ATP7B: variants seen among roughly 807,000 people sequenced by gnomAD.
ATP7B encodes the protein copper-transporting ATPase 2.
ATP7B carries 113 observed loss-of-function variants against 118.9 expected under a neutral mutation model. The ratio of observed to expected loss-of-function variants is 0.95; its 90% confidence interval spans 0.82 to 1.11. ATP7B has a LOEUF of 1.11. Ranked by LOEUF, ATP7B falls within the 50% of genes most tolerant of loss-of-function variation. The pLI is 0.00. For missense variants in ATP7B, 1,867 were observed against 1,871.4 expected (o/e 1.00, Z 0.04); for synonymous variants, 777 against 727.4 (o/e 1.07, Z -1.10).
chr13:51,968,654 T>C (rs1476923706), intron 3 of ATP7B, 47 bp from the exon 4 acceptor site: 3 of 1,603,598 alleles, frequency 1.9e-6, no homozygotes, highest in East Asian at 2.2e-5. Context: ...GGGCAGGGCC[T>C]CTAGGTTGAC....
intron 1 of ATP7B, among the ~76,000 whole-genome samples, chr13:52,000,212 A>C (rs1953423651): frequency 6.6e-6 from 1 of 152,208 alleles, no homozygotes; most frequent in Non-Finnish European, 1.5e-5. Flanking sequence ...AGCAACAAAA[A>C]TTTATTGCTC....
At chr13:51,964,789 A>G (rs768177969) in intron 5 of ATP7B, 83 bp downstream of exon 5, 84 of 1,487,468 alleles carry the variant, frequency 5.6e-5, no homozygotes, top group Non-Finnish European at 6.8e-5. Context: ...ATTTTTTCTT[A>G]GCTATATTTT....
intron 4 of ATP7B, among the ~76,000 whole-genome samples, chr13:51,965,319 G>A (rs1015448303): frequency 1.1e-4 from 16 of 152,252 alleles, no homozygotes; most frequent in African/African-American, 3.1e-4. Flanking sequence ...GATACAGATG[G>A]GCTTTTATAA....
At chr13:52,007,803 A>T (rs201206825) in intron 1 of ATP7B, among the ~76,000 whole-genome samples, 2 of 152,210 alleles carry the variant, frequency 1.3e-5, no homozygotes, top group East Asian at 3.8e-4. Context: ...ATTTGCTAGA[A>T]CAGCTCGCAG....
intron 2 of ATP7B, 49 bp downstream of exon 2, chr13:51,973,886 A>G (rs745428705): frequency 6.2e-7 from 1 of 1,613,294 alleles, no homozygotes; most frequent in East Asian, 2.2e-5. Flanking sequence ...TATAAGACAC[A>G]AAGAGAAAAG....
chr13:51,973,884 A>C, intron 2 of ATP7B, 51 bp downstream of exon 2: 1 of 1,612,974 alleles, frequency 6.2e-7, no homozygotes, highest in Non-Finnish European at 8.5e-7. Flanking sequence ...GCTATAAGAC[A>C]CAAAGAGAAA....
Position 51,974,337 on chromosome 13 carries a change from T to G in ATP7B, c.883A>C (p.Lys295Gln). The change falls in exon 2 of 21, where the codon AAA (lysine) becomes CAA (glutamine). Residue 295 changes from lysine to glutamine, a missense_variant. Physicochemically the swap from Lys to Gln is moderately conservative, Grantham distance 53. Transcript: ENST00000242839. ...GGGTCATACTTTACTTGGGCAGTTT[T>G]GTTCTCCAAGGACACTTGAATACTT... ...VQSIQVSLEN[K>Q]TAQVKYDPSC... The G allele has an allele frequency of 6.2e-7, 1 of 1,614,120 alleles. No individual in the cohort carries two copies. The highest frequency in any genetic ancestry group is 2.2e-5 in the East Asian group (1 of 44,884).
chr13:51,949,524 G>T (rs1957863444), intron 12 of ATP7B, 138 bp downstream of exon 12: 1 of 1,253,068 alleles, frequency 8.0e-7, no homozygotes, highest in Non-Finnish European at 1.1e-6. Context: ...CTTAGATTTT[G>T]CTGTCAATAA....
chr13:51,960,957 G>C (rs1355071358), intron 6 of ATP7B, among the ~76,000 whole-genome samples: 2 of 151,902 alleles, frequency 1.3e-5, no homozygotes, highest in African/African-American at 4.8e-5. Context: ...ACTGGCCTTT[G>C]AGGCTGAAGT....
At chr13:51,973,822 A>G in intron 2 of ATP7B, 113 bp downstream of exon 2, 1 of 1,477,228 alleles carries the variant, frequency 6.8e-7, no homozygotes, top group Non-Finnish European at 9.4e-7. Flanking sequence ...ATTTTGTTCC[A>G]CTGTTGACAT....
In ATP7B at chr13:51,960,209, T is replaced by A. The variant is rs778768103; in HGVS notation, c.2060A>T (p.Asn687Ile). The A allele has an allele frequency of 2.7e-5, 43 of 1,613,774 alleles. No homozygotes were observed. Among genetic ancestry groups the A allele is most frequent in the Non-Finnish European group, 3.1e-5 (37 of 1,179,786 alleles). The stretch of plus-strand genomic sequence containing the variant: ...TAGAATGGACAGTCCTGGAATGATG[T>A]TGTGGTCCAGGACCATGGACTGGTG... ...EPHQSMVLDH[N>I]IIPGLSILNL... The change falls in exon 7 of 21, where the codon AAC (asparagine) becomes ATC (isoleucine). Residue 687 changes from asparagine to isoleucine, a missense_variant. Physicochemically the swap from Asn to Ile is moderately radical, Grantham distance 149 (BLOSUM62 -3). Coordinates refer to ENST00000242839, the MANE Select transcript of ATP7B (RefSeq NM_000053.4).
chr13:51,985,416 G>T (rs1952608756), intron 1 of ATP7B, among the ~76,000 whole-genome samples: 1 of 152,144 alleles, frequency 6.6e-6, no homozygotes, highest in African/African-American at 2.4e-5. Flanking sequence ...GATTCATAAA[G>T]CAAGTTCTTA....
intron 1 of ATP7B, among the ~76,000 whole-genome samples, chr13:51,992,038 TC>T (rs1952942857): frequency 6.6e-6 from 1 of 151,916 alleles, no homozygotes; most frequent in African/African-American, 2.4e-5. Flanking sequence ...TCTCTGCCTG[TC>T]TGAAACATAG....
intron 16 of ATP7B, 147 bp from the exon 17 acceptor site, chr13:51,939,340 T>TA: frequency 1.5e-6 from 2 of 1,306,074 alleles, no homozygotes; most frequent in South Asian, 1.3e-5. Context: ...TTTTGCTTTT[T>TA]AAAAAGTACA....
rs149970833 is a variant in ATP7B, at chr13:51,980,897, C to A, written c.52-5729G>T. Among the ~76,000 whole-genome samples the A allele has an allele frequency of 3.1e-3, 474 of 152,312 alleles. 1 individual carries two copies. Among genetic ancestry groups the A allele is most frequent in the African/African-American group, 0.011 (450 of 41,570 alleles). ...AACTTTTCCAATATATCACCTCCCC[C>A]CATACAACTTAACACATCTGAACTT... On this transcript the variant is annotated intron_variant, in intron 1 of 20. Coordinates refer to ENST00000242839, the MANE Select transcript of ATP7B (RefSeq NM_000053.4).
intron 12 of ATP7B, among the ~76,000 whole-genome samples, chr13:51,949,150 A>G (rs1231667406): frequency 6.6e-6 from 1 of 152,228 alleles, no homozygotes; most frequent in Non-Finnish European, 1.5e-5. Context: ...ACTGCACTCC[A>G]GCCCGGGAAA....
At chr13:51,992,948 A>G (rs1363102439) in intron 1 of ATP7B, among the ~76,000 whole-genome samples, 1 of 141,796 alleles carries the variant, frequency 7.1e-6, no homozygotes, top group East Asian at 2.2e-4. Flanking sequence ...ACTGCACTCT[A>G]TAGCCTGGAT....
At chr13:51,950,205 C>T in intron 10 of ATP7B, 44 bp from the exon 11 acceptor site, 3 of 1,614,184 alleles carry the variant, frequency 1.9e-6, no homozygotes, top group Non-Finnish European at 2.5e-6. Context: ...CAGCCCCATC[C>T]AGCACTCATG....
chr13:51,964,619 T>C (rs940362495), intron 5 of ATP7B, among the ~76,000 whole-genome samples: 2 of 152,224 alleles, frequency 1.3e-5, no homozygotes, highest in African/African-American at 4.8e-5. Flanking sequence ...TCTTAGGGAA[T>C]ATCTAAAATT....
Sources: allele counts gnomAD v4.1 joint callset (sites outside exome capture counted in the v4.1 genomes callset), GRCh38; gene constraint gnomAD v4.1.1; transcripts MANE v1.5; gene names NCBI Gene and HGNC (gene_info 2026-07-23, HGNC 2026-07-21).